Variants in DCAF10 observed in about 807,000 individuals in gnomAD.
DCAF10 encodes the protein DDB1 and CUL4 associated factor 10, also known as DDB1- and CUL4-associated factor 10.
A neutral mutation model predicts 51.9 loss-of-function variants in DCAF10; 19 were observed. The ratio of observed to expected loss-of-function variants is 0.37; its 90% CI spans 0.26 to 0.54. The LOEUF (loss-of-function observed/expected upper bound fraction) is 0.54, where lower values mean the gene tolerates loss of function less well. Ranked by LOEUF, DCAF10 falls within the 20% of genes least tolerant of loss-of-function variation. The pLI is 0.87. For missense variants in DCAF10, 510 were observed against 730.6 expected (o/e 0.70, Z 3.48); for synonymous variants, 291 against 297.1 (o/e 0.98, Z 0.21).
At chr9:37,854,108 T>C (rs1830775615) in intron 3 of DCAF10, among the ~76,000 whole-genome samples, 1 of 151,958 alleles carries the variant, frequency 6.6e-6, no homozygotes, top group Non-Finnish European at 1.5e-5. Context: ...TTTTTTTTTT[T>C]TTGAATAGAG....
At chr9:37,817,581 G>C (rs1425083515) in intron 1 of DCAF10, among the ~76,000 whole-genome samples, 1 of 151,860 alleles carries the variant, frequency 6.6e-6, no homozygotes, top group Admixed American at 6.6e-5. Context: ...CTGGGTGATA[G>C]AGCGAGACTT....
chr9:37,839,047 G>T (rs1052085197), intron 2 of DCAF10, among the ~76,000 whole-genome samples: 1 of 147,740 alleles, frequency 6.8e-6, no homozygotes, highest in Non-Finnish European at 1.5e-5. Flanking sequence ...TTTGGTGATG[G>T]ATTTTTTTTT....
intron 2 of DCAF10, among the ~76,000 whole-genome samples, chr9:37,839,203 C>T (rs1026781695): frequency 1.3e-5 from 2 of 151,836 alleles, no homozygotes; most frequent in African/African-American, 2.4e-5. Flanking sequence ...GGATTACAGG[C>T]GCCCGCCACC....
chr9:37,863,626 ACTTTGT>A lies in DCAF10; in HGVS notation c.*2123_*2128del, dbSNP rs1338491535. 3.3e-5 allele frequency: 5 copies of A among 152,180 alleles called. No individual in the cohort carries two copies. The highest frequency in any genetic ancestry group is 4.8e-5 in the African/African-American group (2 of 41,442). The allele number at this position is 152,180 out of a possible 1,614,324, so 9.4% of individuals were successfully genotyped here. On this transcript the variant is annotated 3_prime_UTR_variant, in exon 7 of 7. Transcript: ENST00000377724. ...CTGTTAGAAATAATGACTTATGGAC[ACTTTGT>A]CTTTAAGTTGTATTATTGTAAATAC...
chr9:37,821,349 G>T (rs570581514), intron 2 of DCAF10, among the ~76,000 whole-genome samples: 1 of 152,178 alleles, frequency 6.6e-6, no homozygotes, highest in South Asian at 2.1e-4. Flanking sequence ...TAAATTAAGG[G>T]ATACGTTCCA....
intron 6 of DCAF10, 147 bp downstream of exon 6, chr9:37,860,340 T>G (rs895166807): frequency 5.8e-5 from 58 of 1,001,988 alleles, no homozygotes; most frequent in Admixed American, 8.4e-5. Flanking sequence ...CTCCTGTTTC[T>G]GTCCTCTCTT....
chr9:37,856,795 A>G, intron 4 of DCAF10, among the ~76,000 whole-genome samples: 1 of 152,196 alleles, frequency 6.6e-6, no homozygotes, highest in Non-Finnish European at 1.5e-5. Flanking sequence ...CTCAAAAAAA[A>G]AGACTATTCA....
At chr9:37,817,076 A>G (rs2119049837) in intron 1 of DCAF10, among the ~76,000 whole-genome samples, 1 of 152,354 alleles carries the variant, frequency 6.6e-6, no homozygotes, top group East Asian at 1.9e-4. Context: ...TCGAAGAACA[A>G]AACTTGTATG....
intron 2 of DCAF10, among the ~76,000 whole-genome samples, chr9:37,835,753 C>A (rs750313718): frequency 6.6e-5 from 10 of 151,984 alleles, no homozygotes; most frequent in African/African-American, 9.7e-5. Context: ...ACAACAACAA[C>A]AAAAAACATT....
chr9:37,829,769 G>A lies in DCAF10; in HGVS notation c.653+10368G>A, dbSNP rs2117932017. ...TACCTGTAATCCCAGCATTTTGGGA[G>A]GCTGAGGTGGGACAATCACTGGAGG... On this transcript the variant is annotated intron_variant, in intron 2 of 6. Coordinates refer to ENST00000377724, the MANE Select transcript of DCAF10 (RefSeq NM_024345.5). The surrounding 1 kb of genome is among the most constrained non-coding windows in gnomAD (Gnocchi z 4.2). 6.6e-6 allele frequency among the ~76,000 whole-genome samples: 1 copy of A among 152,258 alleles called. No individual in the cohort carries two copies. The highest frequency in any genetic ancestry group is 1.9e-4 in the East Asian group (1 of 5,188).
intron 2 of DCAF10, among the ~76,000 whole-genome samples, chr9:37,833,184 T>C (rs1225199859): frequency 6.6e-6 from 1 of 152,242 alleles, no homozygotes; most frequent in East Asian, 1.9e-4. Context: ...AATTCAAATA[T>C]GAAGTAAGGA....
rs1828944921 is a variant in DCAF10 at position 37,801,519 on chromosome 9, G to C, written c.539+114G>C. ...GGGCCGAGGTTAGCGAGGCCGTTTGGGGCCGCTGGCCTTCGTGCCTCCTGG... is the reference window on the plus strand; with the variant it reads ...GGGCCGAGGTTAGCGAGGCCGTTTGCGGCCGCTGGCCTTCGTGCCTCCTGG... On this transcript the variant is annotated intron_variant, in intron 1 of 6. Transcript: ENST00000377724. The surrounding 1 kb of genome is among the most constrained non-coding windows in gnomAD (Gnocchi z 5.5). 3 of 1,251,080 alleles carry C rather than the reference G, an allele frequency of 2.4e-6. No individual in the cohort carries two copies. In the East Asian group the frequency reaches 9.5e-5, roughly 40 times the overall value. The allele number at this position is 1,251,080 out of a possible 1,614,324, so 77.5% of individuals were successfully genotyped here. A position where few individuals can be genotyped will look rare whatever the true frequency, so the allele number is the denominator to read the frequency against.
In DCAF10 at chr9:37,853,760, G is replaced by A. The variant is rs541904744; in HGVS notation, c.852-1020G>A. Among the ~76,000 whole-genome samples the A allele has an allele frequency of 9.1e-4, 139 of 152,060 alleles. No homozygotes were observed. The Middle Eastern group carries it at 0.02, about 22-fold the overall frequency. On this transcript the variant is annotated intron_variant, in intron 3 of 6. Coordinates refer to ENST00000377724, the MANE Select transcript of DCAF10 (RefSeq NM_024345.5). ...AACTTTTTATTTTTTGTAGAGACAG[G>A]GTCTTGCTATGTTGCCCTGGTTGGT...
In DCAF10 at chr9:37,800,948, C is replaced by G; in HGVS notation, c.82C>G (p.Gln28Glu). ...TGAGGAGCCGACGCCCCACGAGGGG[C>G]AGGCAGCAGCCACCGGGCCGCCCTC... ...GAEEPTPHEGQAAATGPPSPL... is the reference protein window; with the variant it reads ...GAEEPTPHEGEAAATGPPSPL... The change falls in exon 1 of 7, where the codon CAG becomes GAG. Residue 28 changes from glutamine to glutamate, a missense_variant. By Grantham distance (29) the Gln-to-Glu change is conservative (BLOSUM62 2). Transcript: ENST00000377724. The G allele has an allele frequency of 6.7e-7, 1 of 1,500,466 alleles. No homozygotes were observed. Among genetic ancestry groups the G allele is most frequent in the African/African-American group, 1.4e-5 (1 of 70,428 alleles). The allele number at this position is 1,500,466 out of a possible 1,614,324, so 92.9% of individuals were successfully genotyped here.
At chr9:37,830,710 A>G (rs548899673) in intron 2 of DCAF10, among the ~76,000 whole-genome samples, 2 of 152,198 alleles carry the variant, frequency 1.3e-5, no homozygotes, top group Non-Finnish European at 2.9e-5. Flanking sequence ...TAATTTAAAA[A>G]TTTCTTAGAA....
At chr9:37,843,750 G>A (rs1830399196) in intron 3 of DCAF10, among the ~76,000 whole-genome samples, 1 of 152,066 alleles carries the variant, frequency 6.6e-6, no homozygotes, top group African/African-American at 2.4e-5. Context: ...AATATTTTTT[G>A]TTATTTCACA....
intron 3 of DCAF10, among the ~76,000 whole-genome samples, chr9:37,848,992 C>G (rs1238726761): frequency 7.0e-6 from 1 of 141,946 alleles, no homozygotes; most frequent in African/African-American, 2.6e-5. Context: ...AAAAAAAAAA[C>G]TTAATTTACA....
intron 2 of DCAF10, among the ~76,000 whole-genome samples, chr9:37,828,609 A>T (rs1410457047): frequency 6.6e-6 from 1 of 152,220 alleles, no homozygotes; most frequent in Non-Finnish European, 1.5e-5. Flanking sequence ...AAACTTATAT[A>T]GAACAGCAAG....
At chr9:37,810,728 C>G (rs1829317963) in intron 1 of DCAF10, among the ~76,000 whole-genome samples, 1 of 152,140 alleles carries the variant, frequency 6.6e-6, no homozygotes, top group Admixed American at 6.6e-5. Context: ...TCCCAAAGTG[C>G]TGGGATTACA....
Sources: allele counts gnomAD v4.1 joint callset (sites outside exome capture counted in the v4.1 genomes callset), GRCh38; gene constraint gnomAD v4.1.1; non-coding constraint Gnocchi (gnomAD v3.1); transcripts MANE v1.5; gene names NCBI Gene and HGNC (gene_info 2026-07-23, HGNC 2026-07-21).